TEC: variants seen among roughly 807,000 people sequenced by gnomAD.
The protein encoded by TEC is tec protein tyrosine kinase.
TEC carries 72 observed loss-of-function variants against 93.0 expected under a neutral mutation model. The observed-to-expected ratio is 0.77, with a 90% CI of 0.64 to 0.94. TEC has a LOEUF of 0.94. TEC is among the 40% of genes least tolerant of loss of function. The pLI is 0.00. For synonymous variants in TEC, 249 were observed against 247.7 expected, an observed-to-expected ratio of 1.01 and a Z score of -0.05; for missense variants, 630 against 757.9, an observed-to-expected ratio of 0.83 and a Z score of 1.98.
chr4:48,192,295 C>A (rs1722119779), intron 2 of TEC, among the ~76,000 whole-genome samples: 1 of 152,088 alleles, frequency 6.6e-6, no homozygotes, highest in South Asian at 2.1e-4. Flanking sequence ...CTAGAACATG[C>A]AAACTAATCT....
chr4:48,234,902 A>T (rs1723744852), intron 1 of TEC, among the ~76,000 whole-genome samples: 1 of 152,216 alleles, frequency 6.6e-6, no homozygotes, highest in Non-Finnish European at 1.5e-5. Context: ...AATGTAAAGC[A>T]TGTTTAGAGA....
At chr4:48,202,610 C>G (rs1166311666) in intron 2 of TEC, among the ~76,000 whole-genome samples, 2 of 152,128 alleles carry the variant, frequency 1.3e-5, no homozygotes, top group Non-Finnish European at 2.9e-5. Flanking sequence ...ATATTACTAA[C>G]TTTTCTTCAA....
chr4:48,172,516 C>T (rs1298028981), intron 3 of TEC, among the ~76,000 whole-genome samples: 1 of 151,616 alleles, frequency 6.6e-6, no homozygotes, highest in East Asian at 1.9e-4. Context: ...CTCACTACAA[C>T]CTGGAACCCC....
intron 14 of TEC, among the ~76,000 whole-genome samples, chr4:48,142,306 A>G (rs1453224158): frequency 1.3e-5 from 2 of 152,106 alleles, no homozygotes; most frequent in African/African-American, 4.8e-5. Context: ...CCCCTTCTCT[A>G]CTAAAAATAC....
chr4:48,230,788 C>T (rs1723623999), intron 1 of TEC, among the ~76,000 whole-genome samples: 1 of 152,160 alleles, frequency 6.6e-6, no homozygotes, highest in Non-Finnish European at 1.5e-5. Flanking sequence ...GGAGATTCCC[C>T]TCACAGCATT....
At chr4:48,174,337 A>G (rs1296630527) in intron 3 of TEC, among the ~76,000 whole-genome samples, 2 of 152,114 alleles carry the variant, frequency 1.3e-5, no homozygotes, top group African/African-American at 4.8e-5. Flanking sequence ...AATGCTGTCA[A>G]TCCCTAGCAT....
At chr4:48,252,982 T>C (rs1300734224) in intron 1 of TEC, among the ~76,000 whole-genome samples, 1 of 152,228 alleles carries the variant, frequency 6.6e-6, no homozygotes, top group East Asian at 1.9e-4. Flanking sequence ...TGGTTCCTTG[T>C]ATGCATTTCT....
At chr4:48,212,472 T>G (rs1183895223) in intron 2 of TEC, among the ~76,000 whole-genome samples, 6 of 152,180 alleles carry the variant, frequency 3.9e-5, no homozygotes, top group African/African-American at 1.2e-4. Context: ...GGGATGTCAC[T>G]TCAGAGAACA....
At chr4:48,186,270 G>T (rs534120999) in intron 2 of TEC, among the ~76,000 whole-genome samples, 15 of 152,242 alleles carry the variant, frequency 9.9e-5, no homozygotes, top group African/African-American at 3.1e-4. Flanking sequence ...GCCTCTGCCT[G>T]GCCGCCACCC....
chr4:48,197,369 A>C (rs111342924), intron 2 of TEC, among the ~76,000 whole-genome samples: 14 of 152,336 alleles, frequency 9.2e-5, no homozygotes, highest in African/African-American at 3.4e-4. Context: ...TATCTGCCTC[A>C]AACAGTTCAC....
At chr4:48,141,672 TTTTC>T in intron 14 of TEC, 10 of 352,176 alleles carry the variant, frequency 2.8e-5, no homozygotes, top group East Asian at 1.9e-4. Context: ...TGTCTTTTTT[TTTTC>T]TTTTCTTTCT....
chr4:48,235,931 G>A (rs1723770985), intron 1 of TEC, among the ~76,000 whole-genome samples: 1 of 151,912 alleles, frequency 6.6e-6, no homozygotes, highest in Non-Finnish European at 1.5e-5. Context: ...TTTTAATTTA[G>A]GCAATACAAT....
chr4:48,163,985 T>C (rs572082189), intron 7 of TEC, among the ~76,000 whole-genome samples: 3 of 152,318 alleles, frequency 2.0e-5, no homozygotes, highest in Admixed American at 2.0e-4. Context: ...TAGGCAGGCA[T>C]TATTGTACCT....
At chr4:48,148,569 A>C (rs1227282121) in intron 11 of TEC, among the ~76,000 whole-genome samples, 1 of 152,214 alleles carries the variant, frequency 6.6e-6, no homozygotes, top group Non-Finnish European at 1.5e-5. Context: ...CTGGAAACCT[A>C]TAGCATAGGA....
intron 9 of TEC, among the ~76,000 whole-genome samples, chr4:48,151,637 A>C (rs2661535): frequency 0.49 from 74,869 of 151,952 alleles, 19,335 homozygotes; most frequent in African/African-American, 0.63. Flanking sequence ...CAGGTGTGCA[A>C]CACCATGTCC....
chr4:48,179,373 T>G (rs1172895528), intron 2 of TEC, among the ~76,000 whole-genome samples: 1 of 28,016 alleles, frequency 3.6e-5, no homozygotes, highest in African/African-American at 1.4e-4. Flanking sequence ...TATATATATA[T>G]ATATTTTTTT....
chr4:48,265,587 A>G (rs1185017828), intron 1 of TEC, among the ~76,000 whole-genome samples: 4 of 150,370 alleles, frequency 2.7e-5, no homozygotes, highest in Non-Finnish European at 5.9e-5. Context: ...ATCTCAGCAC[A>G]CTGCAACCTC....
At chr4:48,163,619 C>T in intron 8 of TEC, 83 bp downstream of exon 8, 1 of 848,508 alleles carries the variant, frequency 1.2e-6, no homozygotes. Flanking sequence ...GAAAGATATC[C>T]ATTAATCTTC....
intron 2 of TEC, among the ~76,000 whole-genome samples, chr4:48,219,767 A>C (rs1180531132): frequency 6.6e-6 from 1 of 152,096 alleles, no homozygotes; most frequent in Non-Finnish European, 1.5e-5. Flanking sequence ...ATATGCAATA[A>C]ATATCAGCAA....
Sources: allele counts gnomAD v4.1 joint callset (sites outside exome capture counted in the v4.1 genomes callset), GRCh38; gene constraint gnomAD v4.1.1; transcripts MANE v1.5; gene names NCBI Gene and HGNC (gene_info 2026-07-23, HGNC 2026-07-21).